CC2D2A: variants seen among roughly 807,000 people sequenced by gnomAD.
The protein encoded by CC2D2A is coiled-coil and C2 domain-containing protein 2A.
CC2D2A carries 155 observed loss-of-function variants against 212.9 expected under a neutral mutation model. That is an observed-to-expected ratio of 0.73 (90% CI 0.64 to 0.83). The LOEUF is 0.83. Ranked by LOEUF, CC2D2A falls within the 40% of genes least tolerant of loss-of-function variation. The pLI is 0.00. For missense variants in CC2D2A, 1,856 were observed against 1,956.2 expected (o/e 0.95, Z 0.97); for synonymous variants, 667 against 686.5 (o/e 0.97, Z 0.44).
rs375041623 is a variant in CC2D2A at position 15,588,887 on chromosome 4, TAATA to T, written c.4180-648_4180-645del. Among the ~76,000 whole-genome samples, 75 of 151,758 alleles carry T rather than the reference TAATA, an allele frequency of 4.9e-4. 1 individual carries two copies. The East Asian group carries it at 0.014, about 28-fold the overall frequency. On this transcript the variant is annotated intron_variant, in intron 32 of 36. Coordinates refer to ENST00000424120, the MANE Select transcript of CC2D2A (RefSeq NM_001378615.1). The stretch of plus-strand genomic sequence containing the variant: ...ATACAGGGGGAATAAATGATAACAA[TAATA>T]AATAAATAATAATTTAAATAAATAA...
chr4:15,507,175 A>G (rs1016920596), intron 6 of CC2D2A, among the ~76,000 whole-genome samples: 2 of 152,128 alleles, frequency 1.3e-5, no homozygotes, highest in African/African-American at 4.8e-5. Context: ...ACAAATAATA[A>G]CTTCATTTAG....
At chr4:15,490,055 C>A (rs763203841) in intron 4 of CC2D2A, among the ~76,000 whole-genome samples, 1 of 152,188 alleles carries the variant, frequency 6.6e-6, no homozygotes, top group South Asian at 2.1e-4. Flanking sequence ...TTATCTCCAG[C>A]GTGGACTTCT....
chr4:15,560,978 A>G (rs1719565381), intron 23 of CC2D2A, among the ~76,000 whole-genome samples: 1 of 152,166 alleles, frequency 6.6e-6, no homozygotes, highest in African/African-American at 2.4e-5. Flanking sequence ...AGTGCCAGAC[A>G]TTCCCTTACT....
intron 28 of CC2D2A, among the ~76,000 whole-genome samples, chr4:15,571,982 C>G (rs910227043): frequency 6.6e-5 from 10 of 152,152 alleles, no homozygotes; most frequent in African/African-American, 2.4e-4. Context: ...GCAGTTTGCT[C>G]TCTTCCCAAT....
chr4:15,553,255 C>T lies in CC2D2A; in HGVS notation c.2436C>T (p.Asn812=), dbSNP rs200973968. 6.8e-6 allele frequency: 11 copies of T among 1,613,024 alleles called. No individual in the cohort carries two copies. Among genetic ancestry groups the T allele is most frequent in the Admixed American group, 5.0e-5 (3 of 59,858 alleles). Residue 812 remains asparagine, a synonymous_variant, in exon 19 of 37, where the codon AAC becomes AAT. Transcript: ENST00000424120. The part of the protein sequence containing the change: ...SHSVAWAIGE[N]GIPLIPPLSQ... The stretch of plus-strand genomic sequence containing the variant: ...GTGTGGCATGGGCCATTGGAGAAAA[C>T]GGGATACCTTTAATTCCTCCATTGT...
At chr4:15,571,393 T>TTTCTAA (rs1720156147) in intron 28 of CC2D2A, among the ~76,000 whole-genome samples, 1 of 152,122 alleles carries the variant, frequency 6.6e-6, no homozygotes, top group Non-Finnish European at 1.5e-5. Flanking sequence ...CAGTTAAAGG[T>TTTCTAA]TCTGAAATCG....
At chr4:15,570,537 T>C in intron 28 of CC2D2A, 41 bp downstream of exon 28, 1 of 1,367,340 alleles carries the variant, frequency 7.3e-7, no homozygotes, top group South Asian at 1.2e-5. Context: ...GCAGGGAATT[T>C]CTCTATCCAT....
chr4:15,569,079 T>C (rs748856751), intron 26 of CC2D2A, among the ~76,000 whole-genome samples: 1 of 152,222 alleles, frequency 6.6e-6, no homozygotes, highest in Non-Finnish European at 1.5e-5. Context: ...AGCAGAGGGT[T>C]TGTCTCTGCA....
rs114354596 is a variant in CC2D2A, at chr4:15,512,768, C to T, written c.717+1345C>T. ...GGAGTTCACGACCAGGCTTGGCCAA[C>T]GTGGTGAAACCCTGTCTCTACTAAA... On this transcript the variant is annotated intron_variant, in intron 8 of 36. Transcript: ENST00000424120. Among the ~76,000 whole-genome samples, 590 of 152,224 alleles carry T rather than the reference C, an allele frequency of 3.9e-3. 1 individual carries two copies. Among genetic ancestry groups the T allele is most frequent in the Middle Eastern group, 0.017 (5 of 294 alleles).
intron 33 of CC2D2A, 27 bp from the exon 34 acceptor site, chr4:15,596,058 A>G: frequency 6.6e-7 from 1 of 1,517,180 alleles, no homozygotes; most frequent in Non-Finnish European, 8.9e-7. Flanking sequence ...GCTAACATAT[A>G]TGCTAATGTA....
At chr4:15,583,315 T>G (rs918727427) in intron 30 of CC2D2A, among the ~76,000 whole-genome samples, 1 of 152,168 alleles carries the variant, frequency 6.6e-6, no homozygotes, top group African/African-American at 2.4e-5. Context: ...CTATTCAACA[T>G]AGTACTGAAA....
Position 15,590,360 on chromosome 4 carries a change from C to T in CC2D2A, c.4314+681C>T, listed in dbSNP as rs150182800. ...CGAAACCCCGTCTCTACTGAAAATA[C>T]AAAAATTAGCTGGGCATGATGGTGT... On this transcript the variant is annotated intron_variant, in intron 33 of 36. Coordinates refer to ENST00000424120, the MANE Select transcript of CC2D2A (RefSeq NM_001378615.1). 8.2e-3 allele frequency among the ~76,000 whole-genome samples: 1,255 copies of T among 152,232 alleles called. 15 individuals carry two copies. The highest frequency in any genetic ancestry group is 0.029 in the African/African-American group (1,203 of 41,508).
At chr4:15,585,087 G>A (rs995256789) in intron 30 of CC2D2A, among the ~76,000 whole-genome samples, 2 of 152,120 alleles carry the variant, frequency 1.3e-5, no homozygotes, top group Non-Finnish European at 2.9e-5. Flanking sequence ...ACAGTATAGA[G>A]GGTCCTCACA....
chr4:15,568,224 G>A (rs1010445093), intron 26 of CC2D2A, among the ~76,000 whole-genome samples: 4 of 152,176 alleles, frequency 2.6e-5, no homozygotes, highest in African/African-American at 7.2e-5. Flanking sequence ...ATATTTAAAT[G>A]GTTCTTATTA....
chr4:15,534,169 T>C (rs972328637), intron 14 of CC2D2A, among the ~76,000 whole-genome samples: 2 of 152,204 alleles, frequency 1.3e-5, no homozygotes, highest in African/African-American at 4.8e-5. Flanking sequence ...TTGGACTGGA[T>C]TATTTATCTT....
intron 24 of CC2D2A, 87 bp from the exon 25 acceptor site, chr4:15,567,290 C>T (rs753202760): frequency 9.8e-7 from 1 of 1,015,620 alleles, no homozygotes; most frequent in Non-Finnish European, 1.5e-6. Flanking sequence ...AGAGTGAGAC[C>T]CTATCTCAAT....
At chr4:15,585,707 T>C (rs185300006) in intron 30 of CC2D2A, among the ~76,000 whole-genome samples, 1 of 152,246 alleles carries the variant, frequency 6.6e-6, no homozygotes, top group East Asian at 1.9e-4. Context: ...GATTTCAACA[T>C]TATACAATGT....
At chr4:15,597,308 C>G (rs919123321) in intron 34 of CC2D2A, 99 bp from the exon 35 acceptor site, 64 of 865,196 alleles carry the variant, frequency 7.4e-5, no homozygotes, top group Non-Finnish European at 1.1e-4. Context: ...TTCTATATCT[C>G]GATGTCTGAG....
Position 15,574,659 on chromosome 4 carries a change from A to C in CC2D2A, c.3771+333A>C, listed in dbSNP as rs187986766. 4.5e-4 allele frequency among the ~76,000 whole-genome samples: 68 copies of C among 152,366 alleles called. No individual in the cohort carries two copies. The South Asian group carries it at 7.0e-3, about 16-fold the overall frequency. On this transcript the variant is annotated intron_variant, in intron 29 of 36. Coordinates refer to ENST00000424120, the MANE Select transcript of CC2D2A (RefSeq NM_001378615.1). ...AATGTGAAGAAAATGAAATATCACA[A>C]ACTAGAATATCAGATTGCTCTTTTA...
Sources: gnomAD v4.1 joint callset for allele counts (sites outside exome capture counted in the v4.1 genomes callset) on GRCh38, gnomAD v4.1.1 for gene constraint, MANE v1.5 for transcripts, NCBI Gene and HGNC (gene_info 2026-07-23, HGNC 2026-07-21) for gene names.